MOV10L1: variants seen among roughly 807,000 people sequenced by gnomAD.
MOV10L1 encodes the protein RNA helicase Mov10l1.
Under a neutral mutation model 143.8 loss-of-function variants are expected in MOV10L1, and 110 were observed. The observed-to-expected ratio is 0.76, with a 90% CI of 0.66 to 0.90. The LOEUF (loss-of-function observed/expected upper bound fraction) is 0.90. Ranked by LOEUF, MOV10L1 falls within the 40% of genes least tolerant of loss-of-function variation. The pLI is 0.00. For missense variants in MOV10L1, 1,406 were observed against 1,526.8 expected (o/e 0.92, Z 1.32); for synonymous variants, 593 against 581.1 (o/e 1.02, Z -0.29).
intron 5 of MOV10L1, 111 bp from the exon 6 acceptor site, chr22:50,113,537 T>C: frequency 1.4e-6 from 2 of 1,417,666 alleles, no homozygotes; most frequent in Non-Finnish European, 1.9e-6. Context: ...CTGCCTGTGG[T>C]GAGGTGGTCC....
At chr22:50,102,498 T>C (rs2061770519) in intron 3 of MOV10L1, among the ~76,000 whole-genome samples, 1 of 152,212 alleles carries the variant, frequency 6.6e-6, no homozygotes, top group Non-Finnish European at 1.5e-5. Flanking sequence ...AGATGCTGTT[T>C]CCTTCTTGAC....
chr22:50,155,701 CCT>C (rs2063408726), intron 22 of MOV10L1, among the ~76,000 whole-genome samples: 1 of 152,168 alleles, frequency 6.6e-6, no homozygotes, highest in Non-Finnish European at 1.5e-5. Flanking sequence ...GTCTCGAACT[CCT>C]GACGTCATGA....
At chr22:50,117,480 A>G in intron 9 of MOV10L1, 129 bp downstream of exon 9, 1 of 933,624 alleles carries the variant, frequency 1.1e-6, no homozygotes. Flanking sequence ...GCTGGGGTTC[A>G]AGCCTCTTTC....
chr22:50,096,236 A>C (rs1442868497), intron 2 of MOV10L1: 1 of 152,202 alleles, frequency 6.6e-6, no homozygotes, highest in Non-Finnish European at 1.5e-5. Context: ...GAATTTGCCC[A>C]TTCTAAATAC....
At chr22:50,112,750 C>T (rs990504818) in intron 5 of MOV10L1, among the ~76,000 whole-genome samples, 2 of 152,216 alleles carry the variant, frequency 1.3e-5, no homozygotes, top group Non-Finnish European at 2.9e-5. Context: ...AGCCCCACAG[C>T]CTTCCCGTGG....
chr22:50,119,221 A>C (rs959976114), intron 9 of MOV10L1, among the ~76,000 whole-genome samples: 2 of 152,168 alleles, frequency 1.3e-5, no homozygotes, highest in Non-Finnish European at 2.9e-5. Context: ...CGTATCTAAA[A>C]CAAGGACATC....
chr22:50,156,745 C>T (rs966250992), intron 22 of MOV10L1, among the ~76,000 whole-genome samples: 2 of 152,156 alleles, frequency 1.3e-5, no homozygotes, highest in African/African-American at 4.8e-5. Context: ...TGTGTGTATA[C>T]ACCATACTTG....
At chr22:50,140,704 T>C (rs1287617726) in intron 15 of MOV10L1, among the ~76,000 whole-genome samples, 2 of 152,106 alleles carry the variant, frequency 1.3e-5, no homozygotes, top group South Asian at 2.1e-4. Context: ...AACTTAGCAA[T>C]GTGTGTAAAT....
At position 50,091,991 on chromosome 22, in the gene MOV10L1, C is replaced by T. The variant is rs200288070; in HGVS notation, c.98-10C>T. ...ATGGCCAAGATAACTTCTTTGTTTA[C>T]CTACCTCAGGTGACACTAAGCTGAA... On this transcript the variant is annotated splice_polypyrimidine_tract_variant and intron_variant, in intron 1 of 26. Transcript: ENST00000262794. 236 of 1,608,970 alleles carry T rather than the reference C, an allele frequency of 1.5e-4. 1 individual carries two copies. In the South Asian group the frequency reaches 2.5e-3, roughly 17 times the overall value.
chr22:50,117,488 T>C, intron 9 of MOV10L1, 137 bp downstream of exon 9: 2 of 877,694 alleles, frequency 2.3e-6, no homozygotes, highest in Non-Finnish European at 3.4e-6. Context: ...TCAAGCCTCT[T>C]TCCATGATTG....
chr22:50,117,691 G>A (rs1459172068), intron 9 of MOV10L1, among the ~76,000 whole-genome samples: 2 of 152,160 alleles, frequency 1.3e-5, no homozygotes, highest in African/African-American at 2.4e-5. Flanking sequence ...CCGTCCTGAC[G>A]AGGCCATGGT....
intron 10 of MOV10L1, among the ~76,000 whole-genome samples, chr22:50,122,914 A>G (rs561518248): frequency 2.6e-4 from 40 of 152,104 alleles, no homozygotes; most frequent in Middle Eastern, 3.4e-3. Flanking sequence ...TATCATAGAG[A>G]CAGGGTCTTA....
intron 22 of MOV10L1, among the ~76,000 whole-genome samples, chr22:50,157,056 A>C (rs1300733153): frequency 6.6e-6 from 1 of 152,090 alleles, no homozygotes; most frequent in Admixed American, 6.6e-5. Context: ...TCTTAGTGGG[A>C]GTGAGGTGTA....
chr22:50,103,144 A>C (rs2061787894), intron 3 of MOV10L1, among the ~76,000 whole-genome samples: 1 of 152,218 alleles, frequency 6.6e-6, no homozygotes, highest in Admixed American at 6.5e-5. Flanking sequence ...ACACGAGGGC[A>C]GCAGAGGGGA....
intron 1 of MOV10L1, 116 bp downstream of exon 1, chr22:50,090,301 G>A (rs1041261007): frequency 6.9e-7 from 1 of 1,455,790 alleles, no homozygotes. Context: ...CGCTGGGCCC[G>A]GCCTTTCCTC....
intron 24 of MOV10L1, 104 bp from the exon 25 acceptor site, chr22:50,160,584 T>C (rs1391024867): frequency 1.5e-5 from 21 of 1,409,168 alleles, no homozygotes; most frequent in Non-Finnish European, 2.0e-5. Context: ...AATGAGGTCA[T>C]TCTGCTATTT....
rs777559995 is a variant in MOV10L1 at position 50,125,526 on chromosome 22, G to C, written c.1704G>C (p.Leu568=). ...GAAGGAATGGGGATCTGCTGGTTCT[G>C]GAGGTCCCAGGGTTGGCCGAAGGGA... ...ILRRNGDLLV[L]EVPGLAEGRP... Residue 568 remains leucine, a synonymous_variant, in exon 11 of 27, where the codon CTG becomes CTC. Transcript: ENST00000262794. 3 of 1,614,202 alleles carry C rather than the reference G, an allele frequency of 1.9e-6. No individual in the cohort carries two copies. The highest frequency in any genetic ancestry group is 2.5e-6 in the Non-Finnish European group (3 of 1,180,036).
At chr22:50,142,850 A>T (rs947027379) in intron 16 of MOV10L1, among the ~76,000 whole-genome samples, 193 bp from the exon 17 acceptor site, 8 of 151,964 alleles carry the variant, frequency 5.3e-5, no homozygotes, top group African/African-American at 1.9e-4. Flanking sequence ...AAGAAAAAAA[A>T]AATGCAAACA....
At chr22:50,096,591 A>T (rs2062594507) in intron 2 of MOV10L1, among the ~76,000 whole-genome samples, 1 of 152,216 alleles carries the variant, frequency 6.6e-6, no homozygotes, top group African/African-American at 2.4e-5. Flanking sequence ...GTTCCCACCA[A>T]CAGTGCATGA....
Sources: allele counts gnomAD v4.1 joint callset (sites outside exome capture counted in the v4.1 genomes callset), GRCh38; gene constraint gnomAD v4.1.1; transcripts MANE v1.5; gene names NCBI Gene and HGNC (gene_info 2026-07-23, HGNC 2026-07-21).